Variants in FGF13 observed in about 807,000 individuals in gnomAD.
FGF13 encodes fibroblast growth factor homologous factor 2.
FGF13 carries 2 observed loss-of-function variants against 19.5 expected under a neutral mutation model. The observed-to-expected ratio is 0.10, with a 90% CI of 0.04 to 0.32. The LOEUF (loss-of-function observed/expected upper bound fraction) is 0.32. Ranked by LOEUF, FGF13 falls within the 10% of genes least tolerant of loss-of-function variation. The pLI is 1.00. For synonymous variants in FGF13, 72 were observed against 76.9 expected, an observed-to-expected ratio of 0.94 and a Z score of 0.33; for missense variants, 113 against 192.7, an observed-to-expected ratio of 0.59 and a Z score of 2.45.
intron 3 of FGF13, among the ~76,000 whole-genome samples, chrX:138,786,717 C>T (rs2090695591): frequency 8.9e-6 from 1 of 111,805 alleles, no homozygotes; most frequent in Non-Finnish European, 1.9e-5. Flanking sequence ...ACTTTTTGGC[C>T]TCTCGACTTC....
chrX:138,848,586 T>G (rs1165647725), intron 3 of FGF13, among the ~76,000 whole-genome samples: 1 of 112,174 alleles, frequency 8.9e-6, no homozygotes, highest in Non-Finnish European at 1.9e-5. Context: ...GAATGAAATG[T>G]TTTATCCATA....
intron 3 of FGF13, among the ~76,000 whole-genome samples, chrX:138,652,744 C>A (rs752419622): frequency 1.8e-5 from 2 of 111,752 alleles, no homozygotes; most frequent in Non-Finnish European, 3.8e-5. Flanking sequence ...TTGAGCTAAA[C>A]ATGAAAGGCT....
intron 1 of FGF13, among the ~76,000 whole-genome samples, chrX:139,121,290 C>T (rs1450847324): frequency 1.8e-5 from 2 of 111,887 alleles, no homozygotes; most frequent in Non-Finnish European, 3.8e-5. Flanking sequence ...GCAAATTTTA[C>T]AGGGTAAAAG....
chrX:138,632,977 T>A lies in FGF13; in HGVS notation c.611A>T (p.Tyr204Phe). 1.7e-6 allele frequency: 2 copies of A among 1,207,680 alleles called. No individual in the cohort carries two copies. The highest frequency in any genetic ancestry group is 3.5e-5 in the African/African-American group (2 of 57,615). ...FLPKPLKVAM[Y>F]KEPSLHDLTE... is the part of the protein sequence containing the mutation. ...GAGATCGTGCAGTGATGGCTCCTTG[T>A]ACATGGCCACTGAAAAGCACACAAA... Residue 204 changes from tyrosine (Y) to phenylalanine (F), a missense_variant, in exon 5 of 5, where the codon TAC becomes TTC. Around this residue, in one of 4 missense-constraint regions of FGF13, gnomAD observed 43 missense variants for 41.4 expected, o/e 1.04. Transcript: ENST00000315930.
chrX:138,892,781 G>A (rs933420939), intron 1 of FGF13, among the ~76,000 whole-genome samples: 1 of 110,127 alleles, frequency 9.1e-6, no homozygotes, highest in African/African-American at 3.3e-5. Flanking sequence ...TATATAGTGG[G>A]TTCTAGAGAA....
At chrX:139,027,381 T>C (rs1603138219) in intron 1 of FGF13, among the ~76,000 whole-genome samples, 1 of 112,458 alleles carries the variant, frequency 8.9e-6, no homozygotes, top group South Asian at 3.6e-4. Flanking sequence ...CAAAAACTTA[T>C]CTGTGCAGTT....
intron 3 of FGF13, among the ~76,000 whole-genome samples, chrX:138,674,538 G>C (rs1014011782): frequency 9.0e-6 from 1 of 111,060 alleles, no homozygotes; most frequent in Admixed American, 9.7e-5. Context: ...TGAGGAAAGA[G>C]AGAAGTGAAG....
intron 1 of FGF13, among the ~76,000 whole-genome samples, chrX:139,064,777 TTCCATTC>T (rs1201164699): frequency 9.0e-6 from 1 of 111,672 alleles, no homozygotes; most frequent in Non-Finnish European, 1.9e-5. Context: ...TCCAACTTGG[TTCCATTC>T]TCCCTGTCAC....
chrX:139,164,447 C>G (rs1306423551), intron 1 of FGF13, among the ~76,000 whole-genome samples: 2 of 111,211 alleles, frequency 1.8e-5, no homozygotes. Flanking sequence ...AATCTCTGCA[C>G]TTTTAGAGCC....
At chrX:138,935,112 C>T (rs921344421) in intron 1 of FGF13, among the ~76,000 whole-genome samples, 1 of 110,729 alleles carries the variant, frequency 9.0e-6, no homozygotes, top group African/African-American at 3.3e-5. Context: ...GCATCAGAAT[C>T]GAAGTTTCAG....
chrX:139,074,245 T>C (rs2092385695), intron 1 of FGF13, among the ~76,000 whole-genome samples: 1 of 112,430 alleles, frequency 8.9e-6, no homozygotes. Flanking sequence ...GGAAGTAATT[T>C]AATACAATTC....
intron 3 of FGF13, among the ~76,000 whole-genome samples, chrX:138,837,107 C>T (rs920930997): frequency 6.2e-5 from 7 of 112,087 alleles, no homozygotes; most frequent in Non-Finnish European, 7.5e-5. Context: ...TAGGAGGTGG[C>T]GGGCAATCCC....
At chrX:138,787,771 C>A (rs1741160870) in intron 3 of FGF13, among the ~76,000 whole-genome samples, 1 of 108,590 alleles carries the variant, frequency 9.2e-6, no homozygotes. Flanking sequence ...CATGTGTTCT[C>A]ATTGTTCAAC....
chrX:138,963,282 A>T (rs1265244570), intron 1 of FGF13, among the ~76,000 whole-genome samples: 1 of 113,254 alleles, frequency 8.8e-6, no homozygotes, highest in Admixed American at 9.3e-5. Flanking sequence ...CAGTTGCAGC[A>T]GTTTGAGGAA....
At chrX:138,909,548 C>G (rs1259605341) in intron 1 of FGF13, among the ~76,000 whole-genome samples, 1 of 111,584 alleles carries the variant, frequency 9.0e-6, no homozygotes, top group African/African-American at 3.3e-5. Context: ...GCATGGCCAC[C>G]CTATGGAAGG....
At chrX:138,938,535 G>A (rs746905897) in intron 1 of FGF13, among the ~76,000 whole-genome samples, 3 of 111,008 alleles carry the variant, frequency 2.7e-5, no homozygotes, top group Admixed American at 9.6e-5. Flanking sequence ...CTCTTGGCCT[G>A]GGATTCACGG....
At chrX:138,674,138 G>A (rs1166257530) in intron 3 of FGF13, among the ~76,000 whole-genome samples, 1 of 110,399 alleles carries the variant, frequency 9.1e-6, no homozygotes, top group Non-Finnish European at 1.9e-5. Flanking sequence ...AGGGAGAGAG[G>A]AGGGGGAGAA....
intron 3 of FGF13, among the ~76,000 whole-genome samples, chrX:138,828,463 G>C (rs1161891360): frequency 1.8e-5 from 2 of 109,111 alleles, no homozygotes; most frequent in African/African-American, 3.3e-5. Context: ...CCAGCTACTC[G>C]AGAGGCTGAG....
In FGF13 at chrX:139,146,768, C is replaced by A. The variant is rs1230363194; in HGVS notation, c.-113+56648G>T. 5.4e-5 allele frequency among the ~76,000 whole-genome samples: 6 copies of A among 111,410 alleles called. No individual in the cohort carries two copies. In the East Asian group the frequency reaches 1.1e-3, roughly 21 times the overall value. On this transcript the variant is annotated intron_variant, in intron 1 of 2. Transcript: ENST00000421460. Reference sequence around the variant, plus strand: ...GATTAAGAAAATGTGGCACATATACCCCATGGAATACTATGCAGCCATAAA... The same window carrying A: ...GATTAAGAAAATGTGGCACATATACACCATGGAATACTATGCAGCCATAAA...
Sources: allele counts gnomAD v4.1 joint callset (sites outside exome capture counted in the v4.1 genomes callset), GRCh38; gene constraint gnomAD v4.1.1; regional missense constraint gnomAD v4.1.1; transcripts MANE v1.5; gene names NCBI Gene and HGNC (gene_info 2026-07-23, HGNC 2026-07-21).